PIERCE2: variants seen among roughly 807,000 people sequenced by gnomAD.
PIERCE2 encodes piercer of microtubule wall 2 protein.
chr15:55,412,384 G>A, the PIERCE2 span, among the ~76,000 whole-genome samples: 1 of 152,070 alleles, frequency 6.6e-6, no homozygotes, highest in Non-Finnish European at 1.5e-5. Context: ...CTGTGATTCT[G>A]CCTCAAGTTT....
the PIERCE2 span, among the ~76,000 whole-genome samples, chr15:55,412,955 C>A: frequency 1.6e-4 from 24 of 152,044 alleles, no homozygotes; most frequent in African/African-American, 5.8e-4. Flanking sequence ...CATAGCAAGA[C>A]CTCATCCCTA....
chr15:55,416,392 C>T, the PIERCE2 span, among the ~76,000 whole-genome samples: 112 of 152,032 alleles, frequency 7.4e-4, 2 homozygotes, highest in Non-Finnish European at 2.6e-4. Flanking sequence ...TGAGCCATTG[C>T]GCCTGGACGA....
chr15:55,414,374 T>C, the PIERCE2 span, among the ~76,000 whole-genome samples: 3 of 151,860 alleles, frequency 2.0e-5, no homozygotes, highest in African/African-American at 7.2e-5. Context: ...CACGCTTGGC[T>C]AATTTTTTGT....
At chr15:55,410,982 A>T in the PIERCE2 span, 1 of 152,232 alleles carries the variant, frequency 6.6e-6, no homozygotes, top group Admixed American at 6.5e-5. Context: ...AAACAGCAAG[A>T]TCTGATGAGA....
chr15:55,415,302 C>T, the PIERCE2 span, among the ~76,000 whole-genome samples: 2 of 151,764 alleles, frequency 1.3e-5, no homozygotes, highest in African/African-American at 2.4e-5. Context: ...ACCCTGTCTC[C>T]ACTAAAAATA....
At chr15:55,416,096 T>TTA in the PIERCE2 span, among the ~76,000 whole-genome samples, 8,737 of 143,372 alleles carry the variant, frequency 0.061, 296 homozygotes, top group South Asian at 0.1. Context: ...TTAAACATTG[T>TTA]TATATATATA....
At chr15:55,409,993 T>G in the PIERCE2 span, among the ~76,000 whole-genome samples, 16 of 151,930 alleles carry the variant, frequency 1.1e-4, no homozygotes, top group Admixed American at 5.9e-4. Context: ...GTATTGGCTA[T>G]TTGTTTCGTT....
the PIERCE2 span, among the ~76,000 whole-genome samples, chr15:55,413,071 A>T: frequency 3.3e-5 from 5 of 151,906 alleles, no homozygotes; most frequent in African/African-American, 1.2e-4. Flanking sequence ...GATCGAGACC[A>T]TCCTGGCTAA....
At chr15:55,408,837 A>G in the PIERCE2 span, 10 of 1,404,606 alleles carry the variant, frequency 7.1e-6, no homozygotes, top group Non-Finnish European at 9.6e-6. Flanking sequence ...ATTCGCTAGT[A>G]TAATTTGAGG....
chr15:55,415,976 G>A, the PIERCE2 span, among the ~76,000 whole-genome samples: 16 of 152,266 alleles, frequency 1.1e-4, no homozygotes, highest in African/African-American at 3.9e-4. Context: ...AAGTAATGCT[G>A]TGAATTAAAT....
the PIERCE2 span, chr15:55,418,561 C>T: frequency 4.8e-6 from 7 of 1,454,738 alleles, no homozygotes; most frequent in Admixed American, 4.3e-5. Context: ...ATATTCAACA[C>T]ACTCTATGAA....
chr15:55,413,904 T>G, the PIERCE2 span, among the ~76,000 whole-genome samples: 2 of 79,916 alleles, frequency 2.5e-5, no homozygotes, highest in South Asian at 6.8e-4. Flanking sequence ...AGAGAAATGC[T>G]TTTTTTTTTT....
At chr15:55,418,160 A>T in the PIERCE2 span, 2 of 1,564,458 alleles carry the variant, frequency 1.3e-6, no homozygotes, top group Non-Finnish European at 1.7e-6. Flanking sequence ...GGTGGGACTG[A>T]ATTAAATTTT....
the PIERCE2 span, chr15:55,418,435 C>G: frequency 1.3e-6 from 2 of 1,524,358 alleles, no homozygotes; most frequent in Non-Finnish European, 8.8e-7. Flanking sequence ...AGTTTTTCCC[C>G]TGCAATTATA....
chr15:55,416,847 G>C, the PIERCE2 span, among the ~76,000 whole-genome samples: 1 of 152,098 alleles, frequency 6.6e-6, no homozygotes, highest in Non-Finnish European at 1.5e-5. Flanking sequence ...CATAATCCCA[G>C]CTAGTTGGGA....
At chr15:55,418,786 A>G in the PIERCE2 span, 1 of 420,246 alleles carries the variant, frequency 2.4e-6, no homozygotes, top group Non-Finnish European at 4.2e-6. Flanking sequence ...GTTTTAGTCC[A>G]TGTAATCCAA....
chr15:55,415,593 C>CG, the PIERCE2 span, among the ~76,000 whole-genome samples: 68 of 152,194 alleles, frequency 4.5e-4, no homozygotes, highest in African/African-American at 1.5e-3. Context: ...TAAGGGGGTC[C>CG]GCGTGAGAGA....
At chr15:55,413,760 CAA>C in the PIERCE2 span, among the ~76,000 whole-genome samples, 2 of 111,474 alleles carry the variant, frequency 1.8e-5, no homozygotes, top group African/African-American at 3.0e-5. Flanking sequence ...AACTCCGTTT[CAA>C]AAAAAAAAAA....
the PIERCE2 span, among the ~76,000 whole-genome samples, chr15:55,414,585 A>T: frequency 9.8e-5 from 15 of 152,330 alleles, no homozygotes; most frequent in South Asian, 2.9e-3. Flanking sequence ...ATTAACTTTT[A>T]ATAGATTTTC....
Sources: allele counts gnomAD v4.1 joint callset (sites outside exome capture counted in the v4.1 genomes callset), GRCh38; gene constraint gnomAD v4.1.1; transcripts MANE v1.5; gene names NCBI Gene and HGNC (gene_info 2026-07-23, HGNC 2026-07-21).